EYA2: variants seen among roughly 807,000 people sequenced by gnomAD.
EYA2 encodes protein phosphatase EYA2.
A neutral mutation model predicts 69.2 loss-of-function variants in EYA2; 31 were observed. That is an observed-to-expected ratio of 0.45 (90% CI 0.34 to 0.60). The LOEUF is 0.60. EYA2 is among the 20% of genes least tolerant of loss of function. The pLI is 0.02. For synonymous variants in EYA2, 257 were observed against 279.4 expected, an observed-to-expected ratio of 0.92 and a Z score of 0.80; for missense variants, 622 against 701.2, an observed-to-expected ratio of 0.89 and a Z score of 1.28.
intron 9 of EYA2, among the ~76,000 whole-genome samples, chr20:47,135,126 CA>C (rs11484435): frequency 0.094 from 5,508 of 58,300 alleles, 136 homozygotes; most frequent in African/African-American, 0.26. Context: ...GACTCCATAT[CA>C]AAAAAAAAAA....
chr20:47,143,694 C>G (rs1021900614), intron 10 of EYA2, among the ~76,000 whole-genome samples: 9 of 152,160 alleles, frequency 5.9e-5, no homozygotes, highest in African/African-American at 2.2e-4. Flanking sequence ...AGCGGGAGAG[C>G]AGCTTCAAAA....
chr20:47,024,866 C>T (rs1192469410), intron 5 of EYA2, among the ~76,000 whole-genome samples: 1 of 152,240 alleles, frequency 6.6e-6, no homozygotes, highest in Admixed American at 6.5e-5. Context: ...GAAAATTCCA[C>T]TGCATTGGTT....
intron 10 of EYA2, among the ~76,000 whole-genome samples, chr20:47,164,979 C>G (rs79282759): frequency 3.3e-5 from 5 of 152,204 alleles, no homozygotes; most frequent in Non-Finnish European, 5.9e-5. Context: ...TCCCTCACCC[C>G]TCTAGAGCAG....
At chr20:47,014,197 A>G (rs1340935327) in intron 4 of EYA2, among the ~76,000 whole-genome samples, 1 of 152,164 alleles carries the variant, frequency 6.6e-6, no homozygotes, top group Non-Finnish European at 1.5e-5. Flanking sequence ...TTGCAGGAGA[A>G]ACTTTCCAGG....
chr20:46,909,344 C>G (rs1984533926), intron 1 of EYA2, among the ~76,000 whole-genome samples: 1 of 152,014 alleles, frequency 6.6e-6, no homozygotes, highest in South Asian at 2.1e-4. Context: ...TTGAGTAATT[C>G]AATGGGGGTG....
intron 9 of EYA2, among the ~76,000 whole-genome samples, chr20:47,104,914 G>C (rs2032530931): frequency 6.6e-6 from 1 of 152,102 alleles, no homozygotes; most frequent in South Asian, 2.1e-4. Context: ...CCAGCTACTT[G>C]GGAGGCTTAG....
intron 11 of EYA2, among the ~76,000 whole-genome samples, chr20:47,169,545 A>G (rs1040130817): frequency 1.3e-5 from 2 of 152,288 alleles, no homozygotes; most frequent in Middle Eastern, 3.4e-3. Flanking sequence ...TCAACCCTAC[A>G]GTCTCTTGCT....
At chr20:47,086,884 A>G (rs1415175642) in intron 7 of EYA2, among the ~76,000 whole-genome samples, 1 of 151,356 alleles carries the variant, frequency 6.6e-6, no homozygotes, top group Non-Finnish European at 1.5e-5. Context: ...GATAACTAGC[A>G]TTTACCCCTC....
In EYA2 at chr20:47,149,924, G is replaced by C. The variant is rs144001517; in HGVS notation, c.978+6776G>C. 5.3e-4 allele frequency among the ~76,000 whole-genome samples: 80 copies of C among 152,314 alleles called. 2 individuals carry two copies. The East Asian group carries it at 8.9e-3, about 17-fold the overall frequency. On this transcript the variant is annotated intron_variant, in intron 10 of 15. Transcript: ENST00000327619. ...TTTGCAGGCAAGATGCAGCAGGACTGAGGAGGGGGCCTTCCTTGCTCTCCC... is the reference window on the plus strand; with the variant it reads ...TTTGCAGGCAAGATGCAGCAGGACTCAGGAGGGGGCCTTCCTTGCTCTCCC...
intron 9 of EYA2, among the ~76,000 whole-genome samples, chr20:47,112,546 A>G (rs1420088062): frequency 6.6e-6 from 1 of 152,202 alleles, no homozygotes; most frequent in Non-Finnish European, 1.5e-5. Context: ...CTGAGAGGAG[A>G]GATTAGGCAT....
intron 1 of EYA2, among the ~76,000 whole-genome samples, chr20:46,949,164 C>T (rs960723149): frequency 2.6e-5 from 4 of 152,146 alleles, no homozygotes; most frequent in Non-Finnish European, 5.9e-5. Context: ...CACCACATAC[C>T]AAGACCTACT....
Position 47,179,786 on chromosome 20 carries a change from C to T in EYA2, c.1199-12C>T. 6.3e-7 allele frequency: 1 copy of T among 1,592,074 alleles called. No individual in the cohort carries two copies. Among genetic ancestry groups the T allele is most frequent in the Non-Finnish European group, 8.6e-7 (1 of 1,160,872 alleles). On this transcript the variant is annotated splice_polypyrimidine_tract_variant and intron_variant, in intron 12 of 15. Transcript: ENST00000327619. ...AATACGATGACTACATCTTTATTTCCTTTGTCCACAGGGTTGATAGGCACT... is the reference window on the plus strand; with the variant it reads ...AATACGATGACTACATCTTTATTTCTTTTGTCCACAGGGTTGATAGGCACT...
chr20:47,010,229 T>C (rs1299800184), intron 4 of EYA2, among the ~76,000 whole-genome samples: 1 of 152,226 alleles, frequency 6.6e-6, no homozygotes, highest in Non-Finnish European at 1.5e-5. Context: ...AAAAAGCCAC[T>C]CCAGAACTTA....
rs574202693 is a variant in EYA2, at chr20:46,978,034, G to A, written c.-10-11967G>A. Among the ~76,000 whole-genome samples the A allele has an allele frequency of 4.0e-4, 61 of 152,290 alleles. 1 individual carries two copies. In the South Asian group the frequency reaches 0.011, roughly 27 times the overall value. Reference sequence around the variant, plus strand: ...AAAACAAAAGGCAGTCTGCAGTCCCGCAGGCAAGGGTCTGCCCACGGCTCC... The same window carrying A: ...AAAACAAAAGGCAGTCTGCAGTCCCACAGGCAAGGGTCTGCCCACGGCTCC... On this transcript the variant is annotated intron_variant, in intron 1 of 15. Coordinates refer to ENST00000327619, the MANE Select transcript of EYA2 (RefSeq NM_005244.5).
rs151197296 is a variant in EYA2 at position 46,975,675 on chromosome 20, G to A, written c.-10-14326G>A. ...CATGCCTGTAATCCTAGCACTTTGG[G>A]AGGCTGAGGCGGGTGGATCACCTGA... On this transcript the variant is annotated intron_variant, in intron 1 of 15. Transcript: ENST00000327619. Among the ~76,000 whole-genome samples the A allele has an allele frequency of 3.5e-3, 533 of 152,308 alleles. 4 individuals carry two copies. Among genetic ancestry groups the A allele is most frequent in the Admixed American group, 6.9e-3 (105 of 15,290 alleles).
rs149134937 is a variant in EYA2 at position 47,113,610 on chromosome 20, G to C, written c.888+16442G>C. Among the ~76,000 whole-genome samples, 38 of 152,350 alleles carry C rather than the reference G, an allele frequency of 2.5e-4. No homozygotes were observed. In the East Asian group the frequency reaches 7.0e-3, roughly 28 times the overall value. On this transcript the variant is annotated intron_variant, in intron 9 of 15. Coordinates refer to ENST00000327619, the MANE Select transcript of EYA2 (RefSeq NM_005244.5). ...ACACTCGGGGCTGTCTGCTCTGAAA[G>C]GTGGGTAGCGCTGTAGCCTGGAGCT...
intron 8 of EYA2, among the ~76,000 whole-genome samples, chr20:47,090,004 T>C (rs1469445696): frequency 2.0e-5 from 3 of 152,070 alleles, no homozygotes; most frequent in Admixed American, 2.0e-4. Flanking sequence ...TGTGCCTCTA[T>C]TTCTGGGATT....
chr20:47,013,303 G>C (rs1983192298), intron 4 of EYA2, among the ~76,000 whole-genome samples: 1 of 152,196 alleles, frequency 6.6e-6, no homozygotes, highest in Admixed American at 6.5e-5. Context: ...GGTCATAGAA[G>C]ACCTTTCTAG....
intron 1 of EYA2, among the ~76,000 whole-genome samples, chr20:46,916,978 C>T (rs1984936777): frequency 6.6e-6 from 1 of 151,884 alleles, no homozygotes; most frequent in African/African-American, 2.4e-5. Context: ...TAGAACAAGG[C>T]TCAGTTTATT....
Sources: gnomAD v4.1 joint callset for allele counts (sites outside exome capture counted in the v4.1 genomes callset) on GRCh38, gnomAD v4.1.1 for gene constraint, MANE v1.5 for transcripts, NCBI Gene and HGNC (gene_info 2026-07-23, HGNC 2026-07-21) for gene names.